OSBPL1A: variants seen among roughly 807,000 people sequenced by gnomAD.
OSBPL1A encodes oxysterol binding protein like 1A.
OSBPL1A carries 80 observed loss-of-function variants against 137.1 expected under a neutral mutation model. That is an observed-to-expected ratio of 0.58 (90% CI 0.49 to 0.70). The LOEUF is 0.70. Among genes scored for constraint, OSBPL1A ranks in the 30% least tolerant of loss-of-function variants. The probability of loss-of-function intolerance (pLI) is 0.00; values close to 1 mark genes in which losing one functional copy is unlikely to be tolerated. For synonymous variants in OSBPL1A, 365 were observed against 389.7 expected (o/e 0.94, Z 0.75); for missense variants, 970 against 1,129.4 (o/e 0.86, Z 2.02).
intron 15 of OSBPL1A, among the ~76,000 whole-genome samples, chr18:24,247,654 G>C (rs1398512284): frequency 6.9e-6 from 1 of 145,512 alleles, no homozygotes; most frequent in Non-Finnish European, 1.5e-5. Flanking sequence ...TTTTTTAATA[G>C]GGACAGGGTT....
intron 1 of OSBPL1A, among the ~76,000 whole-genome samples, chr18:24,397,279 G>T (rs1254686589): frequency 6.6e-6 from 1 of 152,194 alleles, no homozygotes; most frequent in Non-Finnish European, 1.5e-5. Context: ...TCCTCCTCTT[G>T]TTAGGAGGAA....
At chr18:24,309,803 T>C (rs1340174723) in intron 13 of OSBPL1A, among the ~76,000 whole-genome samples, 1 of 152,008 alleles carries the variant, frequency 6.6e-6, no homozygotes, top group Non-Finnish European at 1.5e-5. Flanking sequence ...TCCGAGCACT[T>C]TGGGAGGCGG....
At chr18:24,170,673 G>T in intron 23 of OSBPL1A, 1 of 502,746 alleles carries the variant, frequency 2.0e-6, no homozygotes, top group African/African-American at 1.9e-5. Context: ...GACTCACAGA[G>T]TCTCACTCTG....
chr18:24,383,968 C>G (rs533695351), intron 1 of OSBPL1A, among the ~76,000 whole-genome samples: 4 of 152,116 alleles, frequency 2.6e-5, no homozygotes, highest in African/African-American at 9.7e-5. Context: ...AACATGCAAA[C>G]GACAACCACA....
intron 18 of OSBPL1A, among the ~76,000 whole-genome samples, chr18:24,187,343 T>A (rs1405284226): frequency 1.3e-5 from 2 of 152,216 alleles, no homozygotes; most frequent in Non-Finnish European, 2.9e-5. Context: ...GCGAGTGTAC[T>A]GATGCCACTG....
At chr18:24,394,449 C>G (rs543561978) in intron 1 of OSBPL1A, among the ~76,000 whole-genome samples, 1 of 152,120 alleles carries the variant, frequency 6.6e-6, no homozygotes, top group East Asian at 1.9e-4. Flanking sequence ...CCTAGATGCA[C>G]CCCTGATTTG....
intron 15 of OSBPL1A, among the ~76,000 whole-genome samples, chr18:24,244,747 A>T (rs1459766041): frequency 6.6e-6 from 1 of 152,214 alleles, no homozygotes; most frequent in Non-Finnish European, 1.5e-5. Context: ...CGCCAGCAAG[A>T]GAATGCAGAG....
chr18:24,360,976 A>G (rs2091612256), intron 4 of OSBPL1A, among the ~76,000 whole-genome samples: 1 of 152,204 alleles, frequency 6.6e-6, no homozygotes, highest in Admixed American at 6.5e-5. Flanking sequence ...AATAGCTCAC[A>G]TTTATTTCAA....
intron 7 of OSBPL1A, among the ~76,000 whole-genome samples, chr18:24,320,555 A>G (rs555612518): frequency 6.6e-6 from 1 of 152,306 alleles, no homozygotes; most frequent in South Asian, 2.1e-4. Context: ...AGCAGGCAAG[A>G]GATAAAGTCA....
rs7239078 is a variant in OSBPL1A at position 24,370,303 on chromosome 18, C to G, written c.122-1931G>C. Among the ~76,000 whole-genome samples the G allele has an allele frequency of 3.2e-3, 491 of 152,334 alleles. 3 individuals are homozygous for G. The highest frequency in any genetic ancestry group is 0.011 in the African/African-American group (455 of 41,582). ...ACAGCTCCTCCTTTGAGGCTTCTGT[C>G]ATTAAGCCAAAGCTCTTGTGCATGC... On this transcript the variant is annotated intron_variant, in intron 2 of 27. Transcript: ENST00000319481.
rs560434885 is a variant in OSBPL1A, at chr18:24,162,428, A to C, written c.*751T>G. 6.6e-6 allele frequency: 1 copy of C among 152,196 alleles called. No homozygotes were observed. Among genetic ancestry groups the C allele is most frequent in the Non-Finnish European group, 1.5e-5 (1 of 68,024 alleles). 9.4% of individuals were successfully genotyped at this position (152,196 alleles called of 1,614,324 possible). On this transcript the variant is annotated 3_prime_UTR_variant, in exon 28 of 28. Coordinates refer to ENST00000319481, the MANE Select transcript of OSBPL1A (RefSeq NM_080597.4). ...CATTATGTAATGGTGATTAAAATCT[A>C]TATTTCTAGGGCATTTTTGTGAATT... is the stretch of plus-strand genomic sequence containing the variant.
At chr18:24,188,211 A>G (rs1259209389) in intron 18 of OSBPL1A, among the ~76,000 whole-genome samples, 1 of 152,208 alleles carries the variant, frequency 6.6e-6, no homozygotes, top group African/African-American at 2.4e-5. Context: ...TCTCAGGAAT[A>G]CTGGCCTAGG....
intron 4 of OSBPL1A, among the ~76,000 whole-genome samples, chr18:24,356,797 T>C (rs1267294398): frequency 1.3e-5 from 2 of 152,184 alleles, no homozygotes; most frequent in Non-Finnish European, 2.9e-5. Flanking sequence ...CCATGGTCCC[T>C]ATCATATTTC....
chr18:24,383,207 CAG>C (rs1568068129), intron 1 of OSBPL1A, among the ~76,000 whole-genome samples: 3 of 152,082 alleles, frequency 2.0e-5, no homozygotes, highest in African/African-American at 7.2e-5. Flanking sequence ...GCATTTATCA[CAG>C]GGGATTTTTA....
rs1467755406 is a variant in OSBPL1A at position 24,174,592 on chromosome 18, A to G, written c.2094-2109T>C. 2.0e-5 allele frequency among the ~76,000 whole-genome samples: 3 copies of G among 152,326 alleles called. No homozygotes were observed. In the East Asian group the frequency reaches 5.8e-4, roughly 29 times the overall value. ...AAAAAACGGATACTCAACCTGTATG[A>G]GATTTCTAGCTCCTCCACATCCTTG... is the stretch of plus-strand genomic sequence containing the variant. On this transcript the variant is annotated intron_variant, in intron 21 of 27. Coordinates refer to ENST00000319481, the MANE Select transcript of OSBPL1A (RefSeq NM_080597.4).
chr18:24,234,800 T>C (rs1175764849), intron 16 of OSBPL1A, among the ~76,000 whole-genome samples: 1 of 152,162 alleles, frequency 6.6e-6, no homozygotes, highest in African/African-American at 2.4e-5. Context: ...AGTTGAAAAA[T>C]CTTTTTTTTT....
chr18:24,239,082 C>G, intron 16 of OSBPL1A, 138 bp downstream of exon 16: 3 of 992,204 alleles, frequency 3.0e-6, no homozygotes, highest in Non-Finnish European at 4.3e-6. Context: ...GGGAGCTATA[C>G]CAATACATCG....
At chr18:24,216,298 G>A (rs1159098124) in intron 17 of OSBPL1A, among the ~76,000 whole-genome samples, 1 of 152,222 alleles carries the variant, frequency 6.6e-6, no homozygotes, top group Non-Finnish European at 1.5e-5. Context: ...CCGAGCTCAG[G>A]AGTTTGAGAC....
At chr18:24,240,880 G>A (rs2088669444) in intron 15 of OSBPL1A, among the ~76,000 whole-genome samples, 1 of 151,944 alleles carries the variant, frequency 6.6e-6, no homozygotes, top group Non-Finnish European at 1.5e-5. Flanking sequence ...AAACCCAGGT[G>A]GTATCCCAAC....
Sources: gnomAD v4.1 joint callset for allele counts (sites outside exome capture counted in the v4.1 genomes callset) on GRCh38, gnomAD v4.1.1 for gene constraint, MANE v1.5 for transcripts, NCBI Gene and HGNC (gene_info 2026-07-23, HGNC 2026-07-21) for gene names.